Variants in REDIC1 observed in about 807,000 individuals in gnomAD.
REDIC1 encodes regulator of DNA class I crossover intermediates 1.
chr12:39,779,659 A>T, the REDIC1 span, among the ~76,000 whole-genome samples: 1 of 152,328 alleles, frequency 6.6e-6, no homozygotes, highest in Middle Eastern at 3.4e-3. Context: ...CAGAGAAGAC[A>T]TATATTTGCT....
chr12:39,770,574 C>T, the REDIC1 span, among the ~76,000 whole-genome samples: 11 of 152,214 alleles, frequency 7.2e-5, no homozygotes, highest in East Asian at 7.7e-4. Context: ...TCTGTGAGAT[C>T]GGGGAAAGAA....
At chr12:39,647,824 C>A in the REDIC1 span, 1 of 1,600,732 alleles carries the variant, frequency 6.2e-7, no homozygotes, top group South Asian at 1.1e-5. Flanking sequence ...GTATGCTTCA[C>A]CCTCAGTTCA....
the REDIC1 span, among the ~76,000 whole-genome samples, chr12:39,769,755 T>A: frequency 3.9e-5 from 6 of 152,058 alleles, no homozygotes; most frequent in South Asian, 1.2e-3. Context: ...ACTCAAATGT[T>A]CAACTCCTCT....
the REDIC1 span, chr12:39,720,927 C>CA: frequency 2.5e-6 from 4 of 1,613,610 alleles, no homozygotes; most frequent in East Asian, 2.2e-5. Flanking sequence ...AAAACGATGA[C>CA]AAAATTCACA....
chr12:39,692,959 C>T, the REDIC1 span, among the ~76,000 whole-genome samples: 32 of 152,158 alleles, frequency 2.1e-4, no homozygotes, highest in Admixed American at 3.9e-4. Flanking sequence ...ATATCTCAGT[C>T]TTTTATCATT....
the REDIC1 span, among the ~76,000 whole-genome samples, chr12:39,864,551 T>G: frequency 6.6e-6 from 1 of 152,130 alleles, no homozygotes; most frequent in Non-Finnish European, 1.5e-5. Flanking sequence ...AACAACCCAC[T>G]CTCTCCTTAA....
the REDIC1 span, among the ~76,000 whole-genome samples, chr12:39,905,729 G>C: frequency 6.6e-6 from 1 of 150,512 alleles, no homozygotes. Flanking sequence ...ATCTCAGGAA[G>C]CAATCATGTA....
chr12:39,843,542 A>C, the REDIC1 span, among the ~76,000 whole-genome samples: 1 of 152,082 alleles, frequency 6.6e-6, no homozygotes, highest in Non-Finnish European at 1.5e-5. Context: ...GTAGATAGAG[A>C]ATTATAATAC....
chr12:39,697,879 C>T, the REDIC1 span, among the ~76,000 whole-genome samples: 1 of 152,044 alleles, frequency 6.6e-6, no homozygotes, highest in African/African-American at 2.4e-5. Flanking sequence ...AAACAGATAA[C>T]AAAATAGCAG....
the REDIC1 span, among the ~76,000 whole-genome samples, chr12:39,706,221 A>G: frequency 6.6e-6 from 1 of 152,066 alleles, no homozygotes; most frequent in Non-Finnish European, 1.5e-5. Context: ...CAGTAGCCAC[A>G]AATAAAGTTA....
the REDIC1 span, among the ~76,000 whole-genome samples, chr12:39,784,662 T>C: frequency 6.6e-6 from 1 of 152,212 alleles, no homozygotes; most frequent in East Asian, 1.9e-4. Context: ...GACATAGGCA[T>C]GGGCAAGGAC....
chr12:39,754,408 C>T, the REDIC1 span: 4 of 152,066 alleles, frequency 2.6e-5, no homozygotes, highest in Non-Finnish European at 4.4e-5. Flanking sequence ...TACCTGCTGA[C>T]GTTAAGAACC....
chr12:39,863,354 TAC>T, the REDIC1 span, among the ~76,000 whole-genome samples: 4 of 152,162 alleles, frequency 2.6e-5, no homozygotes, highest in South Asian at 2.1e-4. Flanking sequence ...ACTAAAAACT[TAC>T]AGTCATTCCT....
At chr12:39,857,747 C>T in the REDIC1 span, among the ~76,000 whole-genome samples, 1 of 152,162 alleles carries the variant, frequency 6.6e-6, no homozygotes, top group African/African-American at 2.4e-5. Flanking sequence ...GGCCTGCTAT[C>T]CAGTTTATTT....
chr12:39,721,162 A>C, the REDIC1 span: 1 of 1,613,710 alleles, frequency 6.2e-7, no homozygotes, highest in Middle Eastern at 1.7e-4. Flanking sequence ...TACATGTAGA[A>C]GTGATGTTTC....
the REDIC1 span, among the ~76,000 whole-genome samples, chr12:39,846,793 G>C: frequency 6.6e-6 from 1 of 152,036 alleles, no homozygotes; most frequent in Admixed American, 6.6e-5. Flanking sequence ...GGTAAAATGG[G>C]GAAAATAATA....
the REDIC1 span, among the ~76,000 whole-genome samples, chr12:39,841,537 C>T: frequency 3.6e-3 from 553 of 151,992 alleles, 3 homozygotes; most frequent in Non-Finnish European, 4.9e-3. Flanking sequence ...TGTAAGATAA[C>T]ATGTATATAA....
chr12:39,818,128 T>A, the REDIC1 span, among the ~76,000 whole-genome samples: 9 of 152,192 alleles, frequency 5.9e-5, no homozygotes, highest in South Asian at 4.1e-4. Flanking sequence ...TCAAGTGACA[T>A]CCCCAGGTGT....
the REDIC1 span, among the ~76,000 whole-genome samples, chr12:39,730,632 T>A: frequency 6.6e-6 from 1 of 152,154 alleles, no homozygotes; most frequent in Non-Finnish European, 1.5e-5. Flanking sequence ...GACGACTACG[T>A]GTCTTGGGGT....
Sources: allele counts gnomAD v4.1 joint callset (sites outside exome capture counted in the v4.1 genomes callset), GRCh38; gene constraint gnomAD v4.1.1; transcripts MANE v1.5; gene names NCBI Gene and HGNC (gene_info 2026-07-23, HGNC 2026-07-21).